The following AGBL1 variants were observed in gnomAD, a reference collection of about 807,000 sequenced individuals.
AGBL1 encodes cytosolic carboxypeptidase 4.
AGBL1 carries 130 observed loss-of-function variants against 118.9 expected under a neutral mutation model. That is an observed-to-expected ratio of 1.09 (90% confidence interval 0.95 to 1.26). The LOEUF is 1.26. Ranked by LOEUF, AGBL1 falls within the 50% of genes most tolerant of loss-of-function variation. The pLI is 0.00. For synonymous variants in AGBL1, 555 were observed against 478.9 expected (o/e 1.16, Z -2.08); for missense variants, 1,584 against 1,298.1 (o/e 1.22, Z -3.38).
At chr15:86,507,077 C>CA in intron 18 of AGBL1, among the ~76,000 whole-genome samples, 1 of 151,940 alleles carries the variant, frequency 6.6e-6, no homozygotes, top group Non-Finnish European at 1.5e-5. Context: ...TCTCATATTG[C>CA]AAAAATGACT....
chr15:86,601,911 G>C (rs974386892), intron 21 of AGBL1, among the ~76,000 whole-genome samples: 1 of 152,122 alleles, frequency 6.6e-6, no homozygotes, highest in Non-Finnish European at 1.5e-5. Context: ...TTTGAGGCCA[G>C]ATCCCAGGGC....
At chr15:86,891,579 G>GAA in intron 22 of AGBL1, among the ~76,000 whole-genome samples, 1 of 138,074 alleles carries the variant, frequency 7.2e-6, no homozygotes, top group Admixed American at 7.3e-5. Context: ...AAATAATGAG[G>GAA]AAAAAAAAAA....
In AGBL1 at chr15:86,755,368, A is replaced by G. The variant is rs146239216; in HGVS notation, c.3158+80932A>G. ...ATTACAGCTGAGTAGCGGACAGACC[A>G]GGAACACCCAGAGTCCTGAGAAGGC... On this transcript the variant is annotated intron_variant, in intron 22 of 22. Coordinates refer to ENST00000614907, the MANE Select transcript of AGBL1 (RefSeq NM_001386094.1). Among the ~76,000 whole-genome samples, 336 of 152,184 alleles carry G rather than the reference A, an allele frequency of 2.2e-3. 3 individuals carry two copies. The highest frequency in any genetic ancestry group is 7.8e-3 in the African/African-American group (323 of 41,574).
Position 86,158,967 on chromosome 15 carries a change from C to T in AGBL1, c.429C>T (p.Ala143=). 1.9e-6 allele frequency: 3 copies of T among 1,613,352 alleles called. No homozygotes were observed. The highest frequency in any genetic ancestry group is 1.7e-6 in the Non-Finnish European group (2 of 1,179,458). ...SMGAMLGING[A]MELLFKVITP... ...GAGCCATGCTGGGAATTAATGGAGCCATGGAACTGCTTTTCAAGGTTATTA... is the reference window on the plus strand; with the variant it reads ...GAGCCATGCTGGGAATTAATGGAGCTATGGAACTGCTTTTCAAGGTTATTA... The change falls in exon 5 of 23, where the codon GCC becomes GCT. Residue 143 remains alanine (A), a synonymous_variant. Coordinates refer to ENST00000614907, the MANE Select transcript of AGBL1 (RefSeq NM_001386094.1).
intron 22 of AGBL1, among the ~76,000 whole-genome samples, chr15:86,798,901 A>C (rs1163080518): frequency 1.3e-5 from 2 of 151,822 alleles, no homozygotes; most frequent in Non-Finnish European, 2.9e-5. Context: ...GAATGAGGAG[A>C]CTTTGACTTA....
chr15:86,207,823 G>T (rs1223949838), intron 5 of AGBL1, among the ~76,000 whole-genome samples: 1 of 152,062 alleles, frequency 6.6e-6, no homozygotes, highest in Non-Finnish European at 1.5e-5. Flanking sequence ...TTGCCTGATT[G>T]CCCTGACCAG....
chr15:86,249,434 A>C (rs1252471342), intron 7 of AGBL1, among the ~76,000 whole-genome samples: 1 of 152,230 alleles, frequency 6.6e-6, no homozygotes, highest in East Asian at 1.9e-4. Flanking sequence ...ACAGTGCTGC[A>C]AACCAATATC....
intron 6 of AGBL1, among the ~76,000 whole-genome samples, chr15:86,231,089 A>G (rs2078447587): frequency 6.6e-6 from 1 of 152,108 alleles, no homozygotes; most frequent in Non-Finnish European, 1.5e-5. Context: ...TGTTCATAGA[A>G]CCTTATGTTT....
chr15:86,744,478 G>A (rs1248963840), intron 22 of AGBL1, among the ~76,000 whole-genome samples: 1 of 152,094 alleles, frequency 6.6e-6, no homozygotes, highest in African/African-American at 2.4e-5. Flanking sequence ...AGCAGATATG[G>A]TTTTCTAATA....
At chr15:86,683,817 G>A (rs1333205256) in intron 22 of AGBL1, among the ~76,000 whole-genome samples, 2 of 152,162 alleles carry the variant, frequency 1.3e-5, no homozygotes, top group South Asian at 2.1e-4. Flanking sequence ...TTCCCAAACA[G>A]GAGCAGTTGT....
At chr15:86,870,158 G>T (rs2079699701) in intron 22 of AGBL1, among the ~76,000 whole-genome samples, 1 of 151,990 alleles carries the variant, frequency 6.6e-6, no homozygotes, top group Non-Finnish European at 1.5e-5. Flanking sequence ...TAGTTAAATT[G>T]TCTTAAGATC....
At chr15:86,209,915 G>A (rs778102161) in intron 5 of AGBL1, among the ~76,000 whole-genome samples, 14 of 152,118 alleles carry the variant, frequency 9.2e-5, no homozygotes, top group Non-Finnish European at 2.1e-4. Context: ...AGCATTGATG[G>A]TCTTTACAAT....
chr15:86,384,526 C>G (rs556714197), intron 17 of AGBL1, among the ~76,000 whole-genome samples: 2 of 151,808 alleles, frequency 1.3e-5, no homozygotes, highest in African/African-American at 2.4e-5. Flanking sequence ...GTATATATTA[C>G]GTATCATTAT....
intron 1 of AGBL1, among the ~76,000 whole-genome samples, chr15:86,141,254 C>A (rs990878828): frequency 6.6e-6 from 1 of 152,192 alleles, no homozygotes; most frequent in African/African-American, 2.4e-5. Context: ...GGATTTGGCA[C>A]CACCCTGGGA....
intron 21 of AGBL1, among the ~76,000 whole-genome samples, chr15:86,584,921 G>A (rs990383053): frequency 6.6e-6 from 1 of 152,000 alleles, no homozygotes; most frequent in African/African-American, 2.4e-5. Flanking sequence ...TCTATTCCTA[G>A]TTATTTTATT....
chr15:86,588,680 T>A (rs1224894142), intron 21 of AGBL1, among the ~76,000 whole-genome samples: 2 of 152,076 alleles, frequency 1.3e-5, no homozygotes, highest in Non-Finnish European at 2.9e-5. Context: ...TGAAGCAGAG[T>A]TTGACTCCGG....
At chr15:86,709,657 A>T (rs1002453776) in intron 22 of AGBL1, among the ~76,000 whole-genome samples, 1 of 152,176 alleles carries the variant, frequency 6.6e-6, no homozygotes, top group African/African-American at 2.4e-5. Context: ...CACCAATAAC[A>T]TCAACAAGGA....
At chr15:86,671,648 C>T (rs1027143704) in intron 21 of AGBL1, among the ~76,000 whole-genome samples, 1 of 152,038 alleles carries the variant, frequency 6.6e-6, no homozygotes. Flanking sequence ...TCTCCTGGAG[C>T]CAAAATAAAA....
chr15:86,839,022 G>A (rs1218108621), intron 22 of AGBL1, among the ~76,000 whole-genome samples: 4 of 147,552 alleles, frequency 2.7e-5, no homozygotes, highest in African/African-American at 7.5e-5. Flanking sequence ...TGGTCAGCAC[G>A]TTCTCTTCTT....
Sources: gnomAD v4.1 joint callset for allele counts (sites outside exome capture counted in the v4.1 genomes callset) on GRCh38, gnomAD v4.1.1 for gene constraint, MANE v1.5 for transcripts, NCBI Gene and HGNC (gene_info 2026-07-23, HGNC 2026-07-21) for gene names.